TLE1: variants seen among roughly 807,000 people sequenced by gnomAD.
TLE1 encodes the protein transducin-like enhancer protein 1.
A neutral mutation model predicts 89.8 loss-of-function variants in TLE1; 21 were observed. The ratio of observed to expected loss-of-function variants is 0.23; its 90% CI spans 0.17 to 0.34. The LOEUF is 0.34. Ranked by LOEUF, TLE1 falls within the 10% of genes least tolerant of loss-of-function variation. The pLI is 1.00. For missense variants in TLE1, 795 were observed against 1,031.2 expected (o/e 0.77, Z 3.14); for synonymous variants, 447 against 407.6 (o/e 1.10, Z -1.16).
chr9:81,611,208 G>C (rs1823663373), intron 13 of TLE1, among the ~76,000 whole-genome samples: 1 of 152,062 alleles, frequency 6.6e-6, no homozygotes, highest in Non-Finnish European at 1.5e-5. Flanking sequence ...CAAGAGGCAG[G>C]GCAAACAGAC....
At chr9:81,615,760 A>AGAT (rs946927927) in intron 11 of TLE1, among the ~76,000 whole-genome samples, 1 of 151,528 alleles carries the variant, frequency 6.6e-6, no homozygotes, top group Non-Finnish European at 1.5e-5. Context: ...CAATGAACAC[A>AGAT]GATGCGTGTA....
chr9:81,651,969 A>C (rs1250955205), intron 6 of TLE1, among the ~76,000 whole-genome samples: 2 of 142,582 alleles, frequency 1.4e-5, no homozygotes, highest in Non-Finnish European at 3.1e-5. Context: ...TTTTTAATTA[A>C]TAGATTTTTT....
intron 5 of TLE1, 109 bp from the exon 6 acceptor site, chr9:81,652,397 G>A: frequency 3.8e-6 from 3 of 796,142 alleles, no homozygotes; most frequent in Non-Finnish European, 6.0e-6. Flanking sequence ...AAGTAGAAGG[G>A]TTTAAATGCA....
chr9:81,686,815 C>T (rs1243842153), intron 2 of TLE1, among the ~76,000 whole-genome samples: 1 of 152,206 alleles, frequency 6.6e-6, no homozygotes, highest in Non-Finnish European at 1.5e-5. Context: ...GACGCCAAAG[C>T]AGGTGAGCTT....
At chr9:81,611,329 G>C (rs549729551) in intron 13 of TLE1, among the ~76,000 whole-genome samples, 1 of 152,150 alleles carries the variant, frequency 6.6e-6, no homozygotes, top group East Asian at 1.9e-4. Flanking sequence ...CATAGGCATA[G>C]AAAGAGAAAG....
chr9:81,684,642 G>A (rs1423972136), intron 4 of TLE1, among the ~76,000 whole-genome samples: 1 of 152,204 alleles, frequency 6.6e-6, no homozygotes, highest in Non-Finnish European at 1.5e-5. Flanking sequence ...TTAATTTAAT[G>A]AAACAAGGGT....
chr9:81,656,929 A>T (rs1055254910), intron 4 of TLE1, among the ~76,000 whole-genome samples: 1 of 152,236 alleles, frequency 6.6e-6, no homozygotes, highest in Admixed American at 6.5e-5. Context: ...GCATGCTGCC[A>T]AACTGCCCAG....
chr9:81,677,992 T>G (rs559957741), intron 4 of TLE1, among the ~76,000 whole-genome samples: 2 of 152,302 alleles, frequency 1.3e-5, no homozygotes, highest in South Asian at 2.1e-4. Context: ...CCTCCCAGCT[T>G]TTTCCTTCTA....
At chr9:81,654,563 G>T (rs936144016) in intron 4 of TLE1, among the ~76,000 whole-genome samples, 1 of 152,102 alleles carries the variant, frequency 6.6e-6, no homozygotes, top group East Asian at 1.9e-4. Flanking sequence ...GGATGGTCTC[G>T]ATCTCCTGAC....
intron 14 of TLE1, among the ~76,000 whole-genome samples, chr9:81,599,392 A>C (rs2131913647): frequency 6.6e-6 from 1 of 152,254 alleles, no homozygotes; most frequent in East Asian, 1.9e-4. Context: ...ACCAGGACAA[A>C]GACACCTACC....
intron 6 of TLE1, among the ~76,000 whole-genome samples, chr9:81,637,828 C>T (rs772905325): frequency 1.3e-4 from 20 of 152,108 alleles, no homozygotes; most frequent in Non-Finnish European, 2.4e-4. Context: ...CATCGTCTGG[C>T]ACAAGCTTGG....
At chr9:81,591,144 G>C in intron 15 of TLE1, 92 bp from the exon 16 acceptor site, 1 of 1,522,380 alleles carries the variant, frequency 6.6e-7, no homozygotes, top group Non-Finnish European at 8.9e-7. Flanking sequence ...TTTGAGTTAA[G>C]AGTGGTGTTT....
At chr9:81,618,824 CG>C (rs1824878263) in intron 9 of TLE1, among the ~76,000 whole-genome samples, 2 of 152,094 alleles carry the variant, frequency 1.3e-5, no homozygotes, top group Admixed American at 6.6e-5. Context: ...GTGAGTTTAC[CG>C]TAATTTAAAT....
chr9:81,680,133 GAACA>G (rs1194989934), intron 4 of TLE1, among the ~76,000 whole-genome samples: 4 of 152,188 alleles, frequency 2.6e-5, no homozygotes, highest in Non-Finnish European at 4.4e-5. Flanking sequence ...CCATGCGAGG[GAACA>G]AACAGACTTT....
At chr9:81,687,463 G>A in intron 1 of TLE1, 29 bp from the exon 2 acceptor site, 2 of 1,554,866 alleles carry the variant, frequency 1.3e-6, no homozygotes, top group Non-Finnish European at 8.8e-7. Flanking sequence ...GGGGACCGAG[G>A]GACGGGAATG....
chr9:81,685,941 T>G, intron 2 of TLE1, 45 bp from the exon 3 acceptor site: 1 of 1,599,432 alleles, frequency 6.3e-7, no homozygotes, highest in South Asian at 1.1e-5. Context: ...TTATGTCACT[T>G]GTTTTAACAT....
rs557257733 is a variant in TLE1, at chr9:81,637,637, A to G, written c.373-3336T>C. 3.7e-4 allele frequency among the ~76,000 whole-genome samples: 48 copies of G among 128,604 alleles called. 1 individual carries two copies. In the South Asian group the frequency reaches 0.013, roughly 35 times the overall value. 84.4% of individuals were successfully genotyped at this position (128,604 alleles called of 152,430 possible). A position where few individuals can be genotyped will look rare whatever the true frequency, so the allele number is the denominator to read the frequency against. ...TTCCATCCATTGCTTGGCTACAATG[A>G]AAGTTTCTTTTTTTTTTTTTTTTTT... On this transcript the variant is annotated intron_variant, in intron 6 of 19. Coordinates refer to ENST00000376499, the MANE Select transcript of TLE1 (RefSeq NM_005077.5).
At chr9:81,664,707 A>C (rs1831238818) in intron 4 of TLE1, among the ~76,000 whole-genome samples, 1 of 141,260 alleles carries the variant, frequency 7.1e-6, no homozygotes, top group South Asian at 2.2e-4. Flanking sequence ...TCTTTTAATT[A>C]AGAAAAAAAA....
chr9:81,681,551 CAAAAA>C (rs35808742), intron 4 of TLE1, among the ~76,000 whole-genome samples: 21,616 of 128,306 alleles, frequency 0.17, 1,787 homozygotes, highest in East Asian at 0.21. Flanking sequence ...TTCCGTCGCG[CAAAAA>C]AAAAAAAGAA....
Sources: gnomAD v4.1 joint callset for allele counts (sites outside exome capture counted in the v4.1 genomes callset) on GRCh38, gnomAD v4.1.1 for gene constraint, MANE v1.5 for transcripts, NCBI Gene and HGNC (gene_info 2026-07-23, HGNC 2026-07-21) for gene names.